DAB2IP: variants seen among roughly 807,000 people sequenced by gnomAD.
DAB2IP encodes DAB2 interacting protein, also known as disabled homolog 2-interacting protein.
In DAB2IP, 28 loss-of-function variants were observed where a neutral mutation model predicts 107.2. That is an observed-to-expected ratio of 0.26 (90% CI 0.19 to 0.36). The LOEUF is 0.36. Among genes scored for constraint, DAB2IP ranks in the 10% least tolerant of loss-of-function variants. The probability of loss-of-function intolerance (pLI) is 1.00; values close to 1 mark genes in which losing one functional copy is unlikely to be tolerated. For synonymous variants in DAB2IP, 755 were observed against 706.4 expected (o/e 1.07, Z -1.09); for missense variants, 1,400 against 1,644.7 (o/e 0.85, Z 2.57).
At chr9:121,774,233 G>T in intron 12 of DAB2IP, 27 bp from the exon 13 acceptor site, 1 of 1,567,110 alleles carries the variant, frequency 6.4e-7, no homozygotes, top group Non-Finnish European at 8.6e-7. Context: ...CCTCCCTGCA[G>T]CCCCTCACAG....
chr9:121,776,338 G>T lies in DAB2IP; in HGVS notation c.3261G>T (p.Arg1087=), dbSNP rs1225791497. 6.4e-7 allele frequency: 1 copy of T among 1,555,512 alleles called. No homozygotes were observed. Among genetic ancestry groups the T allele is most frequent in the South Asian group, 1.2e-5 (1 of 84,294 alleles). ...CACGGCTGGAGGAGGGCGAGGAGCG[G>T]CTGCGGCGGCAGCAGGAGGACAAGG... Residue 1087 remains arginine (R), a synonymous_variant, in exon 14 of 16, where the codon CGG becomes CGT. Transcript: ENST00000408936. The surrounding 1 kb of genome is among the most constrained non-coding windows in gnomAD (Gnocchi z 5.4).
At chr9:121,723,891 G>T (rs1831080794) in intron 3 of DAB2IP, among the ~76,000 whole-genome samples, 1 of 152,088 alleles carries the variant, frequency 6.6e-6, no homozygotes, top group Non-Finnish European at 1.5e-5. Flanking sequence ...CCTTGATCAA[G>T]GTACTTCATC....
Position 121,665,731 on chromosome 9 carries a change from A to G in DAB2IP, c.125-12947A>G, listed in dbSNP as rs189886228. Among the ~76,000 whole-genome samples the G allele has an allele frequency of 1.6e-3, 239 of 152,312 alleles. 1 individual carries two copies. The highest frequency in any genetic ancestry group is 3.4e-3 in the Middle Eastern group (1 of 294). The stretch of plus-strand genomic sequence containing the variant: ...TTTTGATAAAAGGTGCATTATGGAG[A>G]AAGAGCAAAGCTTACCTTATATGGG... On this transcript the variant is annotated intron_variant, in intron 1 of 15. Transcript: ENST00000408936.
At chr9:121,711,634 C>T (rs1244921391) in intron 3 of DAB2IP, among the ~76,000 whole-genome samples, 1 of 152,134 alleles carries the variant, frequency 6.6e-6, no homozygotes, top group African/African-American at 2.4e-5. Context: ...TGTTCCCTGC[C>T]CTTAGTACCT....
chr9:121,782,181 T>C lies in DAB2IP; in HGVS notation c.3403-150T>C, dbSNP rs2119045380. ...GTGTCCATGATGCTGCAGAGGCCTC[T>C]GCCTACCTTCTCTTGCCAGCTGCTC... On this transcript the variant is annotated intron_variant, in intron 15 of 15. Coordinates refer to ENST00000408936, the Ensembl canonical transcript of DAB2IP. The surrounding 1 kb of genome is among the most constrained non-coding windows in gnomAD (Gnocchi z 6.1). 1 of 1,320,702 alleles carries C rather than the reference T, an allele frequency of 7.6e-7. No homozygotes were observed. Among genetic ancestry groups the C allele is most frequent in the East Asian group, 2.5e-5 (1 of 39,690 alleles). 81.8% of individuals were successfully genotyped at this position (1,320,702 alleles called of 1,614,324 possible). A position where few individuals can be genotyped will look rare whatever the true frequency, so the allele number is the denominator to read the frequency against.
chr9:121,682,354 G>C (rs1260348169), intron 2 of DAB2IP, among the ~76,000 whole-genome samples: 1 of 152,210 alleles, frequency 6.6e-6, no homozygotes, highest in Non-Finnish European at 1.5e-5. Context: ...CAGGCTGTCA[G>C]CATCTCTTAC....
intron 3 of DAB2IP, among the ~76,000 whole-genome samples, chr9:121,709,603 A>G (rs551780356): frequency 6.6e-6 from 1 of 152,160 alleles, no homozygotes; most frequent in South Asian, 2.1e-4. Flanking sequence ...GGTTGGCTTT[A>G]TTATGTAAGG....
intron 1 of DAB2IP, among the ~76,000 whole-genome samples, chr9:121,603,923 A>G (rs1240981196): frequency 2.0e-5 from 3 of 152,014 alleles, no homozygotes; most frequent in African/African-American, 7.3e-5. Flanking sequence ...GGGAATTACT[A>G]TGAAAGGGGC....
At chr9:121,706,115 C>G (rs1830046462) in intron 3 of DAB2IP, among the ~76,000 whole-genome samples, 1 of 152,182 alleles carries the variant, frequency 6.6e-6, no homozygotes, top group Non-Finnish European at 1.5e-5. Flanking sequence ...GTGAATGCTC[C>G]CCTTGCACGA....
At chr9:121,597,588 C>G (rs915830556) in intron 1 of DAB2IP, among the ~76,000 whole-genome samples, 2 of 152,182 alleles carry the variant, frequency 1.3e-5, no homozygotes, top group Non-Finnish European at 2.9e-5. Context: ...CTTGTGTTCA[C>G]CTTTGCAGCT....
chr9:121,728,822 G>C (rs1050123915), intron 3 of DAB2IP, among the ~76,000 whole-genome samples: 8 of 151,916 alleles, frequency 5.3e-5, no homozygotes, highest in African/African-American at 1.9e-4. Flanking sequence ...TTTGGGGAGG[G>C]GGGGACAGCC....
At chr9:121,744,613 G>T (rs1320873209) in intron 3 of DAB2IP, among the ~76,000 whole-genome samples, 1 of 152,204 alleles carries the variant, frequency 6.6e-6, no homozygotes. Flanking sequence ...TTACTTAAAA[G>T]TTGGTGCATT....
chr9:121,649,651 G>T (rs533667895), upstream of DAB2IP, among the ~76,000 whole-genome samples: 651 of 152,312 alleles, frequency 4.3e-3, 3 homozygotes, highest in African/African-American at 0.015. Flanking sequence ...CGTGGACCTG[G>T]CTACGGAGGT....
rs773410163 is a variant in DAB2IP at position 121,756,991 on chromosome 9, G to C, written c.363-22G>C. The C allele has an allele frequency of 3.1e-6, 5 of 1,613,462 alleles. No individual in the cohort carries two copies. The Admixed American group carries it at 8.3e-5, about 27-fold the overall frequency. ...TGACCCGGGCTGTGGGGGCCCACCT[G>C]ACACACCTACTGCCACCCCAGGTCC... On this transcript the variant is annotated intron_variant, in intron 3 of 15. Transcript: ENST00000408936.
chr9:121,773,232 C>T lies in DAB2IP; in HGVS notation c.2704C>T (p.Gln902Ter). The T allele has an allele frequency of 6.4e-7, 1 of 1,556,754 alleles. No individual in the cohort carries two copies. Among genetic ancestry groups the T allele is most frequent in the Non-Finnish European group, 8.7e-7 (1 of 1,152,148 alleles). The stretch of plus-strand genomic sequence containing the variant: ...GATGTCACTGACTGAAAAAGGCGGG[C>T]AGCCCACGGTGCCACGGCAGAACAG... Residue 902 changes from glutamine (Q) to a stop codon, truncating the protein, a stop_gained, in exon 12 of 16, where the codon CAG becomes TAG. Coordinates refer to ENST00000408936, the Ensembl canonical transcript of DAB2IP. LOFTEE classifies it high-confidence loss of function.
chr9:121,716,044 C>T (rs1003692838), intron 3 of DAB2IP, among the ~76,000 whole-genome samples: 8 of 152,240 alleles, frequency 5.3e-5, no homozygotes, highest in African/African-American at 1.9e-4. Flanking sequence ...ATTCTGGAGC[C>T]CCACCCTGGG....
chr9:121,674,483 G>T (rs1402917191), intron 1 of DAB2IP, among the ~76,000 whole-genome samples: 2 of 152,188 alleles, frequency 1.3e-5, no homozygotes, highest in African/African-American at 4.8e-5. Flanking sequence ...GTGCAGGAGG[G>T]AGAGTGGGCC....
Position 121,772,665 on chromosome 9 carries a change from G to C in DAB2IP, c.2137G>C (p.Val713Leu). 1 of 1,613,828 alleles carries C rather than the reference G, an allele frequency of 6.2e-7. No individual in the cohort carries two copies. Among genetic ancestry groups the C allele is most frequent in the Non-Finnish European group, 8.5e-7 (1 of 1,179,928 alleles). The change falls in exon 12 of 16, where the codon GTC (valine) becomes CTC (leucine). Residue 713 changes from valine (V) to leucine (L), a missense_variant. Val to Leu is a conservative substitution (Grantham distance 32). This residue lies in a region of DAB2IP where 600 missense variants were observed against 659.1 expected (regional missense o/e 0.91). Transcript: ENST00000408936. This position sits in a 1 kb window ranked among gnomAD's most constrained non-coding sequence, Gnocchi z 4.7. Reference sequence around the variant, plus strand: ...CCCCGAAAACAAGGACTTGTTTTTTGTCACAAGGTCCTCCGGGGTCCAGCC... The same window carrying C: ...CCCCGAAAACAAGGACTTGTTTTTTCTCACAAGGTCCTCCGGGGTCCAGCC...
At chr9:121,674,753 T>C (rs1384884075) in intron 1 of DAB2IP, among the ~76,000 whole-genome samples, 1 of 152,060 alleles carries the variant, frequency 6.6e-6, no homozygotes, top group African/African-American at 2.4e-5. Flanking sequence ...GGCATCAGTG[T>C]TGGTCTCAGT....
Sources: gnomAD v4.1 joint callset for allele counts (sites outside exome capture counted in the v4.1 genomes callset) on GRCh38, gnomAD v4.1.1 for gene constraint, gnomAD v4.1.1 regional missense constraint, Gnocchi (gnomAD v3.1) non-coding constraint, MANE v1.5 for transcripts, NCBI Gene and HGNC (gene_info 2026-07-23, HGNC 2026-07-21) for gene names.